FAM135A: variants seen among roughly 807,000 people sequenced by gnomAD.
FAM135A encodes the protein protein FAM135A.
FAM135A carries 79 observed loss-of-function variants against 146.8 expected under a neutral mutation model. The ratio of observed to expected loss-of-function variants is 0.54; its 90% CI spans 0.45 to 0.65. FAM135A has a LOEUF of 0.65. FAM135A is among the 30% of genes least tolerant of loss of function. The probability of loss-of-function intolerance (pLI) is 0.00; values close to 1 mark genes in which losing one functional copy is unlikely to be tolerated. For missense variants in FAM135A, 1,623 were observed against 1,758.2 expected (o/e 0.92, Z 1.38); for synonymous variants, 562 against 603.6 (o/e 0.93, Z 1.01).
intron 20 of FAM135A, among the ~76,000 whole-genome samples, chr6:70,549,124 T>A (rs955205093): frequency 6.6e-6 from 1 of 152,076 alleles, no homozygotes; most frequent in African/African-American, 2.4e-5. Flanking sequence ...AAGAACATAC[T>A]CAACAATTCC....
chr6:70,520,691 C>T (rs1793367361), intron 12 of FAM135A, among the ~76,000 whole-genome samples: 1 of 151,886 alleles, frequency 6.6e-6, no homozygotes, highest in Admixed American at 6.6e-5. Context: ...TATATATTCC[C>T]CATATTTGAA....
At position 70,426,072 on chromosome 6, in the gene FAM135A, C is replaced by T. The variant is rs373226438; in HGVS notation, c.-133-367C>T. On this transcript the variant is annotated intron_variant, in intron 2 of 21. Coordinates refer to ENST00000418814, the MANE Select transcript of FAM135A (RefSeq NM_001162529.3). ...GAGCCGAGATTGCGCCACTGCAGTC[C>T]GCAGTCTGGCCTGGGCGACAGAGCG... 7.3e-5 allele frequency among the ~76,000 whole-genome samples: 11 copies of T among 150,192 alleles called. No individual in the cohort carries two copies. The East Asian group carries it at 1.4e-3, about 19-fold the overall frequency.
At chr6:70,455,868 T>C (rs933870075) in intron 5 of FAM135A, among the ~76,000 whole-genome samples, 3 of 152,210 alleles carry the variant, frequency 2.0e-5, no homozygotes, top group Non-Finnish European at 4.4e-5. Flanking sequence ...ATTCATTTTT[T>C]TTGAAGCGGA....
intron 5 of FAM135A, among the ~76,000 whole-genome samples, chr6:70,471,473 A>G (rs1387620095): frequency 6.6e-6 from 1 of 152,168 alleles, no homozygotes; most frequent in African/African-American, 2.4e-5. Flanking sequence ...TACAACAAAC[A>G]TTACACATGT....
intron 12 of FAM135A, among the ~76,000 whole-genome samples, chr6:70,505,966 A>G (rs997969169): frequency 5.3e-5 from 8 of 152,216 alleles, no homozygotes; most frequent in African/African-American, 1.9e-4. Flanking sequence ...AATGGATAAA[A>G]TAGCATAATC....
At position 70,524,658 on chromosome 6, in the gene FAM135A, G is replaced by A. The variant is rs1438975045; in HGVS notation, c.1574G>A (p.Cys525Tyr). 1 of 1,550,476 alleles carries A rather than the reference G, an allele frequency of 6.4e-7. No individual in the cohort carries two copies. The highest frequency in any genetic ancestry group is 2.0e-5 in the Admixed American group (1 of 50,800). ...TCTGTGGTTTTGGTAGGCTACAAAT[G>A]TTTGAAAAGTACAGCATCAAATGAT... ...KDSVVLVGYKCLKSTASNDLI... is the reference protein window; with the variant it reads ...KDSVVLVGYKYLKSTASNDLI... Residue 525 changes from cysteine (C) to tyrosine (Y), a missense_variant, in exon 15 of 22, where the codon TGT becomes TAT. This residue lies in a region of FAM135A where 1,061 missense variants were observed against 1,113.8 expected (regional missense o/e 0.95). Transcript: ENST00000418814.
At chr6:70,432,948 A>G (rs1011138893) in intron 4 of FAM135A, among the ~76,000 whole-genome samples, 2 of 152,150 alleles carry the variant, frequency 1.3e-5, no homozygotes, top group African/African-American at 4.8e-5. Flanking sequence ...TAAAAGGACA[A>G]TATAAAGCAT....
At chr6:70,459,702 T>G (rs1208183325) in intron 5 of FAM135A, among the ~76,000 whole-genome samples, 1 of 152,170 alleles carries the variant, frequency 6.6e-6, no homozygotes, top group Admixed American at 6.5e-5. Flanking sequence ...GGAAAAAAAT[T>G]TTTTATCAAA....
intron 20 of FAM135A, among the ~76,000 whole-genome samples, chr6:70,544,208 G>GCT (rs1798435091): frequency 6.6e-6 from 1 of 152,188 alleles, no homozygotes; most frequent in Non-Finnish European, 1.5e-5. Flanking sequence ...AGTTTGGGAG[G>GCT]CTGAGGCAGG....
At chr6:70,498,107 G>C (rs1787718922) in intron 11 of FAM135A, among the ~76,000 whole-genome samples, 1 of 152,042 alleles carries the variant, frequency 6.6e-6, no homozygotes, top group African/African-American at 2.4e-5. Flanking sequence ...CTGGTCCTGG[G>C]CTTTTTTTGG....
Position 70,526,179 on chromosome 6 carries a change from A to C in FAM135A, c.3095A>C (p.Asp1032Ala). The change falls in exon 15 of 22, where the codon GAT becomes GCT. Residue 1032 changes from aspartate (D) to alanine (A), a missense_variant. This residue lies in a region of FAM135A where 1,061 missense variants were observed against 1,113.8 expected (regional missense o/e 0.95). Coordinates refer to ENST00000418814, the MANE Select transcript of FAM135A (RefSeq NM_001162529.3). ...GTSDPFSAST[D>A]IVKQGLVENY... Reference sequence around the variant, plus strand: ...AGTGATCCTTTTTCAGCCAGTACTGATATAGTAAAGCAAGGGCTTGTGGAA... The same window carrying C: ...AGTGATCCTTTTTCAGCCAGTACTGCTATAGTAAAGCAAGGGCTTGTGGAA... 1 of 1,613,498 alleles carries C rather than the reference A, an allele frequency of 6.2e-7. No individual in the cohort carries two copies. Among genetic ancestry groups the C allele is most frequent in the Non-Finnish European group, 8.5e-7 (1 of 1,179,652 alleles).
chr6:70,466,172 T>C (rs1780441011), intron 5 of FAM135A, among the ~76,000 whole-genome samples: 1 of 152,162 alleles, frequency 6.6e-6, no homozygotes, highest in Non-Finnish European at 1.5e-5. Flanking sequence ...TTATGAAATA[T>C]ATTGCACATT....
intron 11 of FAM135A, among the ~76,000 whole-genome samples, chr6:70,502,267 C>A (rs1277902708): frequency 6.7e-6 from 1 of 148,522 alleles, no homozygotes; most frequent in Non-Finnish European, 1.5e-5. Flanking sequence ...TCTTTCAAAA[C>A]AATTATAACT....
Position 70,524,567 on chromosome 6 carries a change from AC to A in FAM135A, c.1484del (p.Thr495IlefsTer4). 3 of 1,546,018 alleles carry A rather than the reference AC, an allele frequency of 1.9e-6. No homozygotes were observed. The highest frequency in any genetic ancestry group is 2.6e-6 in the Non-Finnish European group (3 of 1,145,622). ...ATCAAATAAATCCAAAGTTAAGGTT[AC>A]TAAGCTTATGAAAACAATGAAATCT... ...EESNKSKVKV[T>X]KLMKTMKSEN... On this transcript the variant is annotated frameshift_variant, in exon 15 of 22. Transcript: ENST00000418814. LOFTEE classifies it high-confidence loss of function.
intron 5 of FAM135A, among the ~76,000 whole-genome samples, chr6:70,464,793 A>G (rs1172144655): frequency 7.0e-6 from 1 of 142,476 alleles, no homozygotes; most frequent in Admixed American, 7.1e-5. Flanking sequence ...CAGACTCCCA[A>G]GTAGCTGGGA....
chr6:70,556,269 T>A (rs1321815998), intron 20 of FAM135A, among the ~76,000 whole-genome samples: 2 of 151,886 alleles, frequency 1.3e-5, no homozygotes, highest in South Asian at 2.1e-4. Flanking sequence ...AATAATAATT[T>A]AAAAAAAGAA....
At chr6:70,533,130 A>T (rs1278268493) in intron 16 of FAM135A, 30 bp from the exon 17 acceptor site, 2 of 1,551,632 alleles carry the variant, frequency 1.3e-6, no homozygotes, top group Non-Finnish European at 1.8e-6. Flanking sequence ...ACTTTATCTC[A>T]TCCTTTAAAC....
chr6:70,499,390 G>A (rs1486396792), intron 11 of FAM135A, among the ~76,000 whole-genome samples: 1 of 152,110 alleles, frequency 6.6e-6, no homozygotes, highest in South Asian at 2.1e-4. Context: ...CACATGAGAT[G>A]GGTCTCTTGA....
In FAM135A at chr6:70,524,436, G is replaced by T; in HGVS notation, c.1352G>T (p.Gly451Val). The T allele has an allele frequency of 1.3e-6, 2 of 1,546,338 alleles. No homozygotes were observed. Among genetic ancestry groups the T allele is most frequent in the Non-Finnish European group, 1.7e-6 (2 of 1,145,546 alleles). ...KYETEESSVA[G>V]LSSPELKVRP... Reference sequence around the variant, plus strand: ...GAGACTGAAGAAAGCTCTGTAGCAGGACTTTCTAGCCCAGAGTTGAAAGTC... The same window carrying T: ...GAGACTGAAGAAAGCTCTGTAGCAGTACTTTCTAGCCCAGAGTTGAAAGTC... Residue 451 changes from glycine to valine, a missense_variant, in exon 15 of 22, where the codon GGA (glycine) becomes GTA (valine). Physicochemically the swap from Gly to Val is moderately radical, Grantham distance 109. Coordinates refer to ENST00000418814, the MANE Select transcript of FAM135A (RefSeq NM_001162529.3).
Sources: gnomAD v4.1 joint callset for allele counts (sites outside exome capture counted in the v4.1 genomes callset) on GRCh38, gnomAD v4.1.1 for gene constraint, gnomAD v4.1.1 regional missense constraint, MANE v1.5 for transcripts, NCBI Gene and HGNC (gene_info 2026-07-23, HGNC 2026-07-21) for gene names.